The following GPR141 variants were observed in gnomAD, a reference collection of about 807,000 sequenced individuals.
GPR141 encodes probable G protein-coupled receptor 141.
A neutral mutation model predicts 6.8 loss-of-function variants in GPR141; 6 were observed. The observed-to-expected ratio is 0.88, with a 90% CI of 0.48 to 1.74. GPR141 has a LOEUF of 1.74. GPR141 is among the 40% of genes most tolerant of loss of function. GPR141 has a pLI of 0.01. For missense variants in GPR141, 372 were observed against 372.9 expected, an observed-to-expected ratio of 1.00 and a Z score of 0.02; for synonymous variants, 140 against 142.3, an observed-to-expected ratio of 0.98 and a Z score of 0.11.
At chr7:37,698,323 C>T (rs1412035998) in intron 2 of GPR141, among the ~76,000 whole-genome samples, 1 of 152,226 alleles carries the variant, frequency 6.6e-6, no homozygotes, top group African/African-American at 2.4e-5. Context: ...CTTCTTCCCT[C>T]CTACCACCAT....
At chr7:37,700,601 T>G (rs1810237371) in intron 2 of GPR141, among the ~76,000 whole-genome samples, 1 of 152,160 alleles carries the variant, frequency 6.6e-6, no homozygotes, top group Admixed American at 6.5e-5. Flanking sequence ...GGAAAACAAA[T>G]ACAAACATAT....
chr7:37,714,491 C>T (rs1810957611), intron 2 of GPR141, among the ~76,000 whole-genome samples: 2 of 151,974 alleles, frequency 1.3e-5, no homozygotes, highest in African/African-American at 4.8e-5. Flanking sequence ...GCCATACGGC[C>T]CACTAGGTTC....
chr7:37,690,658 C>T (rs1259312010), intron 2 of GPR141, among the ~76,000 whole-genome samples: 3 of 151,736 alleles, frequency 2.0e-5, no homozygotes, highest in East Asian at 1.9e-4. Context: ...ATTATTTCAT[C>T]GTGGTAAGAA....
intron 2 of GPR141, among the ~76,000 whole-genome samples, chr7:37,722,923 TTTCCTTCCTTCCTTCCTTCCTTCCTTCC>T (rs796368390): frequency 1.2e-4 from 13 of 112,210 alleles, no homozygotes; most frequent in East Asian, 2.5e-4. Context: ...TTCTTTTTCC[TTTCCTTCCTTCCTTCCTTCCTTCCTTCC>T]TTCCTTCCTT....
intron 2 of GPR141, among the ~76,000 whole-genome samples, chr7:37,737,931 A>G (rs1812326709): frequency 6.6e-6 from 1 of 152,230 alleles, no homozygotes. Flanking sequence ...AAGAGAGAAA[A>G]GCACCTTTCA....
At chr7:37,706,059 G>T (rs1683674284) in intron 2 of GPR141, among the ~76,000 whole-genome samples, 1 of 152,118 alleles carries the variant, frequency 6.6e-6, no homozygotes, top group Non-Finnish European at 1.5e-5. Context: ...AATGAGGGTG[G>T]TTTAGAAGAA....
chr7:37,710,942 G>C (rs1810768216), intron 2 of GPR141, among the ~76,000 whole-genome samples: 1 of 152,130 alleles, frequency 6.6e-6, no homozygotes, highest in African/African-American at 2.4e-5. Context: ...TGAGAATAGG[G>C]ATGACTTACC....
chr7:37,726,104 A>G (rs1461907595), intron 2 of GPR141, among the ~76,000 whole-genome samples: 1 of 152,154 alleles, frequency 6.6e-6, no homozygotes, highest in Non-Finnish European at 1.5e-5. Context: ...GGGTGTTTTA[A>G]TTTGGTATGA....
chr7:37,722,424 CTTA>C (rs1811379883), intron 2 of GPR141, among the ~76,000 whole-genome samples: 1 of 88,060 alleles, frequency 1.1e-5, no homozygotes, highest in Non-Finnish European at 2.8e-5. Context: ...GGTTCCCTCT[CTTA>C]AAAAAAAAAA....
At chr7:37,701,248 G>C (rs1228570480) in intron 2 of GPR141, among the ~76,000 whole-genome samples, 2 of 152,076 alleles carry the variant, frequency 1.3e-5, no homozygotes, top group African/African-American at 4.8e-5. Flanking sequence ...GTACCTCATT[G>C]TACATTCATT....
intron 2 of GPR141, among the ~76,000 whole-genome samples, chr7:37,732,519 G>C (rs970959621): frequency 1.3e-5 from 2 of 152,044 alleles, no homozygotes; most frequent in African/African-American, 4.8e-5. Context: ...TGTGGACAGA[G>C]CACCATAAAA....
chr7:37,732,000 A>G (rs1562789443), intron 2 of GPR141, among the ~76,000 whole-genome samples: 1 of 151,078 alleles, frequency 6.6e-6, no homozygotes, highest in Non-Finnish European at 1.5e-5. Context: ...GAAGCAAAGT[A>G]AAGAGGAAGA....
At chr7:37,690,827 A>G (rs1010346310) in intron 2 of GPR141, among the ~76,000 whole-genome samples, 3 of 151,848 alleles carry the variant, frequency 2.0e-5, no homozygotes, top group African/African-American at 4.8e-5. Flanking sequence ...TCAGTTAGGT[A>G]TATTTCATCC....
intron 2 of GPR141, among the ~76,000 whole-genome samples, chr7:37,708,640 G>A (rs1413173790): frequency 1.3e-5 from 2 of 152,114 alleles, no homozygotes; most frequent in African/African-American, 4.8e-5. Flanking sequence ...GGAAATCAGG[G>A]TGACATTTAT....
At chr7:37,723,545 T>G (rs1811458473) in intron 2 of GPR141, among the ~76,000 whole-genome samples, 1 of 152,072 alleles carries the variant, frequency 6.6e-6, no homozygotes, top group African/African-American at 2.4e-5. Flanking sequence ...GAAATGGTGA[T>G]GTGAAAAGCA....
At chr7:37,722,490 G>T (rs1371665353) in intron 2 of GPR141, among the ~76,000 whole-genome samples, 1 of 151,608 alleles carries the variant, frequency 6.6e-6, no homozygotes, top group African/African-American at 2.4e-5. Context: ...GGGAGGCCAA[G>T]GTGGGCAGAT....
chr7:37,725,913 C>T (rs1811604775), intron 2 of GPR141, among the ~76,000 whole-genome samples: 1 of 151,942 alleles, frequency 6.6e-6, no homozygotes, highest in East Asian at 1.9e-4. Context: ...ATTTGCAAGC[C>T]ATACATGCAA....
chr7:37,728,288 G>A (rs1811733193), intron 2 of GPR141, among the ~76,000 whole-genome samples: 1 of 152,166 alleles, frequency 6.6e-6, no homozygotes, highest in Non-Finnish European at 1.5e-5. Flanking sequence ...TAAAAGCGGT[G>A]ATGTGTTTTA....
intron 2 of GPR141, among the ~76,000 whole-genome samples, chr7:37,701,614 C>A (rs146532914): frequency 1.3e-3 from 204 of 152,292 alleles, no homozygotes; most frequent in African/African-American, 4.3e-3. Flanking sequence ...GCCTGAATTT[C>A]AAATTTAACT....
Sources: gnomAD v4.1 joint callset for allele counts (sites outside exome capture counted in the v4.1 genomes callset) on GRCh38, gnomAD v4.1.1 for gene constraint, MANE v1.5 for transcripts, NCBI Gene and HGNC (gene_info 2026-07-23, HGNC 2026-07-21) for gene names.